The following IGFBP7 variants were observed in gnomAD, a reference collection of about 807,000 sequenced individuals.
The protein encoded by IGFBP7 is insulin-like growth factor-binding protein 7.
In IGFBP7, 31 loss-of-function variants were observed where a neutral mutation model predicts 29.4. That is an observed-to-expected ratio of 1.05 (90% CI 0.79 to 1.42). The LOEUF is 1.42. Among genes scored for constraint, IGFBP7 ranks in the 40% most tolerant of loss-of-function variants. The pLI is 0.00. For missense variants in IGFBP7, 393 were observed against 395.5 expected (o/e 0.99, Z 0.05); for synonymous variants, 172 against 174.9 (o/e 0.98, Z 0.13).
At chr4:57,057,955 CTT>C (rs1236044543) in intron 1 of IGFBP7, among the ~76,000 whole-genome samples, 1 of 152,150 alleles carries the variant, frequency 6.6e-6, no homozygotes, top group East Asian at 1.9e-4. Context: ...GAACAAGACT[CTT>C]GGGATACATA....
chr4:57,054,479 A>T (rs1403600740), intron 1 of IGFBP7, among the ~76,000 whole-genome samples: 4 of 151,904 alleles, frequency 2.6e-5, no homozygotes, highest in Non-Finnish European at 5.9e-5. Flanking sequence ...CTAAAAATAC[A>T]AAAAATTAGT....
chr4:57,089,033 AAAAAAT>A (rs1725570647), intron 1 of IGFBP7, among the ~76,000 whole-genome samples: 1 of 144,980 alleles, frequency 6.9e-6, no homozygotes. Flanking sequence ...CTCTGTCTCA[AAAAAAT>A]AAAAAAAAAA....
At chr4:57,044,405 G>A (rs985969219) in intron 1 of IGFBP7, among the ~76,000 whole-genome samples, 1 of 152,130 alleles carries the variant, frequency 6.6e-6, no homozygotes, top group Non-Finnish European at 1.5e-5. Context: ...AGTGCTTTTC[G>A]TGTCCTGTTT....
At chr4:57,067,585 T>C (rs1230967067) in intron 1 of IGFBP7, among the ~76,000 whole-genome samples, 1 of 152,284 alleles carries the variant, frequency 6.6e-6, no homozygotes, top group East Asian at 1.9e-4. Context: ...GGTATAAAAT[T>C]CTAGAGACCT....
chr4:57,076,832 G>C (rs184545288), intron 1 of IGFBP7, among the ~76,000 whole-genome samples: 14 of 152,274 alleles, frequency 9.2e-5, no homozygotes, highest in African/African-American at 2.9e-4. Flanking sequence ...GGTAACGAAG[G>C]TCTGTCAGCA....
At chr4:57,108,061 C>G (rs1578657173) in intron 1 of IGFBP7, among the ~76,000 whole-genome samples, 1 of 152,318 alleles carries the variant, frequency 6.6e-6, no homozygotes, top group African/African-American at 2.4e-5. Context: ...GGAATAAATT[C>G]TTAAATAACG....
chr4:57,097,634 G>C (rs918727910), intron 1 of IGFBP7, among the ~76,000 whole-genome samples: 1 of 132,044 alleles, frequency 7.6e-6, no homozygotes, highest in African/African-American at 2.5e-5. Flanking sequence ...AGGTACCAAT[G>C]TTTTTCATGT....
At chr4:57,089,718 C>G (rs149875514) in intron 1 of IGFBP7, among the ~76,000 whole-genome samples, 1 of 152,152 alleles carries the variant, frequency 6.6e-6, no homozygotes, top group South Asian at 2.1e-4. Flanking sequence ...TCCACCACCC[C>G]CTTCTCTGTC....
chr4:57,099,006 C>G (rs1348536832), intron 1 of IGFBP7, among the ~76,000 whole-genome samples: 1 of 152,136 alleles, frequency 6.6e-6, no homozygotes, highest in African/African-American at 2.4e-5. Flanking sequence ...AGATCTATTT[C>G]TTGATAAATT....
chr4:57,069,065 G>A (rs1724992586), intron 1 of IGFBP7, among the ~76,000 whole-genome samples: 1 of 152,150 alleles, frequency 6.6e-6, no homozygotes, highest in Admixed American at 6.5e-5. Flanking sequence ...TTATGTGGGT[G>A]GTTGAATCAC....
intron 1 of IGFBP7, among the ~76,000 whole-genome samples, chr4:57,104,515 G>T (rs577891523): frequency 2.5e-4 from 38 of 152,226 alleles, no homozygotes; most frequent in Non-Finnish European, 4.0e-4. Flanking sequence ...TTTCAATGAA[G>T]TTCATACATT....
At chr4:57,055,035 G>A (rs1180716834) in intron 1 of IGFBP7, among the ~76,000 whole-genome samples, 5 of 152,212 alleles carry the variant, frequency 3.3e-5, no homozygotes, top group African/African-American at 9.6e-5. Flanking sequence ...TGTGGGGTCC[G>A]ACAGTGCAGT....
intron 1 of IGFBP7, among the ~76,000 whole-genome samples, chr4:57,097,835 G>A (rs1051646911): frequency 3.3e-5 from 5 of 152,012 alleles, no homozygotes; most frequent in Non-Finnish European, 5.9e-5. Flanking sequence ...ATTTCCCCTC[G>A]TACACCAGCC....
intron 1 of IGFBP7, chr4:57,073,069 C>CA: frequency 6.6e-7 from 1 of 1,507,648 alleles, no homozygotes; most frequent in Non-Finnish European, 9.2e-7. Context: ...GGAAACCCCC[C>CA]ACAGCTTTTA....
intron 1 of IGFBP7, among the ~76,000 whole-genome samples, chr4:57,055,309 C>T (rs906377768): frequency 6.6e-6 from 1 of 152,158 alleles, no homozygotes; most frequent in Admixed American, 6.5e-5. Context: ...CTCCTAGTTT[C>T]TCACTGGTCT....
chr4:57,043,171 C>A (rs961172769), intron 1 of IGFBP7, among the ~76,000 whole-genome samples: 1 of 152,210 alleles, frequency 6.6e-6, no homozygotes. Context: ...TCACCAGGGG[C>A]CTTCAGAAAG....
chr4:57,097,089 A>G (rs1006108376), intron 1 of IGFBP7, among the ~76,000 whole-genome samples: 1 of 152,216 alleles, frequency 6.6e-6, no homozygotes, highest in Admixed American at 6.5e-5. Flanking sequence ...GAACCATCCA[A>G]CAAAAATTAT....
chr4:57,033,180 G>T lies in IGFBP7; in HGVS notation c.702+15C>A. On this transcript the variant is annotated intron_variant, in intron 3 of 4. Transcript: ENST00000295666. ...AAGAATGAAACTCTTGCCAGCTCTTGGTACTGGTACTCACCAGCACCCAGC... is the reference window on the plus strand; with the variant it reads ...AAGAATGAAACTCTTGCCAGCTCTTTGTACTGGTACTCACCAGCACCCAGC... 1.3e-6 allele frequency: 2 copies of T among 1,531,792 alleles called. No individual in the cohort carries two copies. Among genetic ancestry groups the T allele is most frequent in the Non-Finnish European group, 1.8e-6 (2 of 1,104,754 alleles). The allele number at this position is 1,531,792 out of a possible 1,614,324, so 94.9% of individuals were successfully genotyped here.
intron 1 of IGFBP7, among the ~76,000 whole-genome samples, chr4:57,049,586 T>C (rs1254854044): frequency 6.6e-6 from 1 of 152,210 alleles, no homozygotes; most frequent in Non-Finnish European, 1.5e-5. Context: ...TTCATTTCTC[T>C]TTGACATTTT....
Sources: allele counts gnomAD v4.1 joint callset (sites outside exome capture counted in the v4.1 genomes callset), GRCh38; gene constraint gnomAD v4.1.1; transcripts MANE v1.5; gene names NCBI Gene and HGNC (gene_info 2026-07-23, HGNC 2026-07-21).